PHF2: variants seen among roughly 807,000 people sequenced by gnomAD.
PHF2 encodes the protein PHD finger protein 2, also known as lysine-specific demethylase PHF2.
A neutral mutation model predicts 120.5 loss-of-function variants in PHF2; 27 were observed. The observed-to-expected ratio is 0.22, with a 90% CI of 0.17 to 0.31. PHF2 has a LOEUF of 0.31. Among genes scored for constraint, PHF2 ranks in the 10% least tolerant of loss-of-function variants. The pLI is 1.00. For synonymous variants in PHF2, 568 were observed against 592.5 expected, an observed-to-expected ratio of 0.96 and a Z score of 0.60; for missense variants, 1,024 against 1,434.8, an observed-to-expected ratio of 0.71 and a Z score of 4.63.
At chr9:93,661,507 A>T (rs894738582) in intron 12 of PHF2, among the ~76,000 whole-genome samples, 14 of 152,170 alleles carry the variant, frequency 9.2e-5, no homozygotes, top group Non-Finnish European at 1.5e-4. Flanking sequence ...GGATGGTTGA[A>T]TGGATTAACG....
At chr9:93,666,941 T>A in intron 16 of PHF2, 139 bp from the exon 17 acceptor site, 1 of 418,848 alleles carries the variant, frequency 2.4e-6, no homozygotes, top group African/African-American at 2.1e-5. Flanking sequence ...AATAAATAAA[T>A]AAAAATAAAA....
At chr9:93,647,059 G>A (rs2117879411) in intron 4 of PHF2, among the ~76,000 whole-genome samples, 1 of 152,352 alleles carries the variant, frequency 6.6e-6, no homozygotes, top group East Asian at 1.9e-4. Context: ...AGGGGGCCAT[G>A]GCCATCAGGT....
At chr9:93,623,055 G>A (rs1390476361) in intron 1 of PHF2, among the ~76,000 whole-genome samples, 2 of 152,206 alleles carry the variant, frequency 1.3e-5, no homozygotes, top group African/African-American at 4.8e-5. Flanking sequence ...TGAGGGCACA[G>A]CCTGGAGCAG....
chr9:93,659,392 C>T, intron 10 of PHF2, 119 bp from the exon 11 acceptor site: 1 of 766,382 alleles, frequency 1.3e-6, no homozygotes, highest in African/African-American at 1.7e-5. Flanking sequence ...GCTCGGAAGC[C>T]CCTCGCCTCA....
chr9:93,660,289 T>C lies in PHF2; in HGVS notation c.1427T>C (p.Ile476Thr). 4 of 1,610,352 alleles carry C rather than the reference T, an allele frequency of 2.5e-6. No individual in the cohort carries two copies. Among genetic ancestry groups the C allele is most frequent in the South Asian group, 1.1e-5 (1 of 90,406 alleles). The change falls in exon 12 of 22, where the codon ATT becomes ACT. Residue 476 changes from isoleucine (I) to threonine (T), a missense_variant. By Grantham distance (89) the Ile-to-Thr change is moderately conservative. This residue lies in a region of PHF2 where 677 missense variants were observed against 857.4 expected (regional missense o/e 0.79). Transcript: ENST00000359246. ...DREKEEPPSP[I>T]EATPPQSLLE... is the part of the protein sequence containing the mutation. ...GAGAAGGAGGAGCCCCCGTCTCCCA[T>C]TGAGGCCACCCCGCCTCAATCCCTC... is the stretch of plus-strand genomic sequence containing the variant.
intron 17 of PHF2, chr9:93,671,196 G>T: frequency 1.0e-6 from 1 of 976,164 alleles, no homozygotes; most frequent in South Asian, 4.7e-5. Context: ...GCAGCTGTGG[G>T]TGTGGGAGTA....
At chr9:93,649,410 C>A (rs1458232675) in intron 5 of PHF2, among the ~76,000 whole-genome samples, 198 bp downstream of exon 5, 2 of 135,526 alleles carry the variant, frequency 1.5e-5, no homozygotes, top group Non-Finnish European at 3.1e-5. Context: ...TAAGACTGGC[C>A]CACAGCTGAC....
intron 1 of PHF2, among the ~76,000 whole-genome samples, chr9:93,593,301 G>A (rs1825270601): frequency 6.6e-6 from 1 of 152,060 alleles, no homozygotes; most frequent in Non-Finnish European, 1.5e-5. Flanking sequence ...AGGGTATGGT[G>A]GGGGCTGAGG....
At chr9:93,647,126 G>A (rs1401232683) in intron 4 of PHF2, among the ~76,000 whole-genome samples, 1 of 152,220 alleles carries the variant, frequency 6.6e-6, no homozygotes, top group African/African-American at 2.4e-5. Context: ...TACCCCAGCT[G>A]TAATGTTCAT....
intron 1 of PHF2, among the ~76,000 whole-genome samples, chr9:93,593,892 A>G (rs1825281122): frequency 1.3e-5 from 2 of 152,234 alleles, no homozygotes; most frequent in Non-Finnish European, 2.9e-5. Flanking sequence ...CGTTTTTCCT[A>G]CCACTTTTGT....
chr9:93,581,843 G>A (rs1421497736), intron 1 of PHF2, among the ~76,000 whole-genome samples: 3 of 152,224 alleles, frequency 2.0e-5, no homozygotes, highest in African/African-American at 7.2e-5. Flanking sequence ...ACATGTGCCA[G>A]GTCCTTCTAA....
intron 1 of PHF2, among the ~76,000 whole-genome samples, chr9:93,594,158 C>A (rs1255002579): frequency 6.7e-6 from 1 of 149,328 alleles, no homozygotes; most frequent in African/African-American, 2.5e-5. Context: ...GATATCTGCC[C>A]TTCCGGCACA....
intron 16 of PHF2, among the ~76,000 whole-genome samples, chr9:93,666,601 A>G (rs1826686094): frequency 6.6e-6 from 1 of 152,258 alleles, no homozygotes; most frequent in Non-Finnish European, 1.5e-5. Context: ...GTCTGACCCC[A>G]GCAATGTTCA....
chr9:93,619,672 C>T (rs544533548), intron 1 of PHF2, among the ~76,000 whole-genome samples: 25 of 152,158 alleles, frequency 1.6e-4, no homozygotes, highest in East Asian at 5.8e-4. Context: ...GGTGGCACCC[C>T]GTGGCCCGTG....
At chr9:93,644,046 G>C (rs1432619794) in intron 3 of PHF2, among the ~76,000 whole-genome samples, 1 of 151,986 alleles carries the variant, frequency 6.6e-6, no homozygotes, top group Non-Finnish European at 1.5e-5. Context: ...GCCACTGTCC[G>C]CACAGCAATG....
At chr9:93,592,338 C>T (rs1317260) in intron 1 of PHF2, among the ~76,000 whole-genome samples, 21,609 of 152,132 alleles carry the variant, frequency 0.14, 3,391 homozygotes, top group African/African-American at 0.38. Context: ...AGGGCGGGCC[C>T]ATTCTTTACT....
chr9:93,590,053 A>G (rs986017478), intron 1 of PHF2, among the ~76,000 whole-genome samples: 2 of 152,238 alleles, frequency 1.3e-5, no homozygotes, highest in African/African-American at 4.8e-5. Context: ...GTATGCATGT[A>G]TATCTGCTGG....
chr9:93,646,362 G>C (rs1289496424), intron 4 of PHF2, among the ~76,000 whole-genome samples: 11 of 152,264 alleles, frequency 7.2e-5, no homozygotes, highest in Non-Finnish European at 1.6e-4. Context: ...GGCAGTGGCA[G>C]GGAGAGGCCA....
chr9:93,614,890 A>G (rs1344561899), intron 1 of PHF2, among the ~76,000 whole-genome samples: 3 of 138,498 alleles, frequency 2.2e-5, no homozygotes, highest in African/African-American at 8.0e-5. Flanking sequence ...GGTGATGGTG[A>G]TGGTAATGAT....
Sources: gnomAD v4.1 joint callset for allele counts (sites outside exome capture counted in the v4.1 genomes callset) on GRCh38, gnomAD v4.1.1 for gene constraint, gnomAD v4.1.1 regional missense constraint, MANE v1.5 for transcripts, NCBI Gene and HGNC (gene_info 2026-07-23, HGNC 2026-07-21) for gene names.